TMEM117: variants seen among roughly 807,000 people sequenced by gnomAD.
TMEM117 encodes transmembrane protein 117.
In TMEM117, 27 loss-of-function variants were observed where a neutral mutation model predicts 52.4. The ratio of observed to expected loss-of-function variants is 0.51; its 90% confidence interval spans 0.38 to 0.71. The LOEUF is 0.71. Ranked by LOEUF, TMEM117 falls within the 30% of genes least tolerant of loss-of-function variation. TMEM117 has a pLI of 0.00. For synonymous variants in TMEM117, 215 were observed against 206.3 expected (o/e 1.04, Z -0.36); for missense variants, 556 against 630.5 (o/e 0.88, Z 1.26).
At chr12:43,879,022 A>G (rs1943850741) in intron 2 of TMEM117, among the ~76,000 whole-genome samples, 2 of 152,174 alleles carry the variant, frequency 1.3e-5, no homozygotes, top group Non-Finnish European at 2.9e-5. Context: ...ATGCTGATGA[A>G]TGAATAAGTT....
chr12:44,054,179 C>T lies in TMEM117; in HGVS notation c.411-89346C>T, dbSNP rs183023731. Reference sequence around the variant, plus strand: ...GGTATCAAAGTCATAAGAGCAATGGCGTATATTGAGAAGGATATTTTCCTA... The same window carrying T: ...GGTATCAAAGTCATAAGAGCAATGGTGTATATTGAGAAGGATATTTTCCTA... On this transcript the variant is annotated intron_variant, in intron 3 of 7. Coordinates refer to ENST00000266534, the MANE Select transcript of TMEM117 (RefSeq NM_032256.3). Among the ~76,000 whole-genome samples, 4 of 152,070 alleles carry T rather than the reference C, an allele frequency of 2.6e-5. No homozygotes were observed. In the East Asian group the frequency reaches 7.7e-4, roughly 29 times the overall value.
At chr12:44,125,353 C>G (rs569635130) in intron 3 of TMEM117, among the ~76,000 whole-genome samples, 1 of 152,030 alleles carries the variant, frequency 6.6e-6, no homozygotes, top group Non-Finnish European at 1.5e-5. Context: ...GTGATCTGCC[C>G]GCCTCGGCCT....
Position 44,002,315 on chromosome 12 carries a change from A to AT in TMEM117, c.410+57974dup, listed in dbSNP as rs1946128491. 5.9e-5 allele frequency among the ~76,000 whole-genome samples: 9 copies of AT among 152,312 alleles called. No homozygotes were observed. In the South Asian group the frequency reaches 1.9e-3, roughly 32 times the overall value. ...TTTATGGAAGCTGAGGGCCTCCCTA[A>AT]TGGAGGCCTTGGAGATGGGCAGATG... On this transcript the variant is annotated intron_variant, in intron 3 of 7. Transcript: ENST00000266534.
At chr12:44,312,991 T>C (rs1220171548) in intron 6 of TMEM117, among the ~76,000 whole-genome samples, 1 of 152,158 alleles carries the variant, frequency 6.6e-6, no homozygotes, top group Non-Finnish European at 1.5e-5. Flanking sequence ...TGTTTAAGTA[T>C]ATTACAGATT....
intron 4 of TMEM117, among the ~76,000 whole-genome samples, chr12:44,150,074 A>C (rs1469444005): frequency 6.6e-6 from 1 of 152,174 alleles, no homozygotes; most frequent in Admixed American, 6.6e-5. Context: ...CATTGGAACC[A>C]TTTTGACCTC....
At chr12:43,976,256 G>A (rs1945668455) in intron 3 of TMEM117, among the ~76,000 whole-genome samples, 1 of 152,114 alleles carries the variant, frequency 6.6e-6, no homozygotes, top group African/African-American at 2.4e-5. Context: ...GAAATTAATA[G>A]TACACTGCAG....
chr12:43,927,660 T>C lies in TMEM117; in HGVS notation c.278-16550T>C, dbSNP rs569879255. On this transcript the variant is annotated intron_variant, in intron 2 of 7. Coordinates refer to ENST00000266534, the MANE Select transcript of TMEM117 (RefSeq NM_032256.3). ...GAATTTATTATTTGTTATTATGTAA[T>C]GATTCTCTTTATTCCTAACATTGTT... Among the ~76,000 whole-genome samples the C allele has an allele frequency of 1.0e-3, 157 of 152,122 alleles. 1 individual carries two copies. The highest frequency in any genetic ancestry group is 1.7e-3 in the Non-Finnish European group (116 of 67,896).
chr12:44,195,486 A>T (rs550103903), intron 4 of TMEM117, among the ~76,000 whole-genome samples: 3 of 152,310 alleles, frequency 2.0e-5, no homozygotes, highest in African/African-American at 7.2e-5. Context: ...AGAGGATTAC[A>T]CAAGAGCAAG....
intron 3 of TMEM117, among the ~76,000 whole-genome samples, chr12:43,979,614 C>T (rs1013370568): frequency 1.3e-5 from 2 of 152,080 alleles, no homozygotes; most frequent in African/African-American, 4.8e-5. Flanking sequence ...TGAGGAATCG[C>T]TGTGGGGGAA....
intron 4 of TMEM117, among the ~76,000 whole-genome samples, chr12:44,144,096 T>TGGAAC (rs1948608953): frequency 1.3e-5 from 2 of 152,226 alleles, no homozygotes; most frequent in African/African-American, 4.8e-5. Flanking sequence ...TTTTCTACAT[T>TGGAAC]TATTTTCCTC....
intron 3 of TMEM117, among the ~76,000 whole-genome samples, chr12:44,139,587 C>G (rs1158802327): frequency 6.6e-6 from 1 of 151,744 alleles, no homozygotes; most frequent in African/African-American, 2.4e-5. Context: ...TCTTAAAAGC[C>G]TATATCAATG....
intron 6 of TMEM117, among the ~76,000 whole-genome samples, chr12:44,313,702 T>C (rs1465783462): frequency 6.6e-6 from 1 of 152,260 alleles, no homozygotes; most frequent in African/African-American, 2.4e-5. Context: ...TTGAGCAGTA[T>C]GGACGTTTTA....
At chr12:44,045,362 A>G (rs919520764) in intron 3 of TMEM117, among the ~76,000 whole-genome samples, 4 of 152,166 alleles carry the variant, frequency 2.6e-5, no homozygotes, top group Non-Finnish European at 4.4e-5. Flanking sequence ...GGTTGACTAT[A>G]TTGGACCTCT....
At chr12:43,923,433 G>A (rs1944727412) in intron 2 of TMEM117, among the ~76,000 whole-genome samples, 1 of 152,174 alleles carries the variant, frequency 6.6e-6, no homozygotes, top group Non-Finnish European at 1.5e-5. Flanking sequence ...TCACAAATGT[G>A]ACAATACTCC....
At chr12:43,877,890 AAC>A (rs369405497) in intron 2 of TMEM117, among the ~76,000 whole-genome samples, 13,939 of 142,840 alleles carry the variant, frequency 0.098, 667 homozygotes, top group East Asian at 0.16. Flanking sequence ...GTAAAAACAA[AAC>A]ACACACACAC....
intron 6 of TMEM117, among the ~76,000 whole-genome samples, chr12:44,335,550 C>T (rs1047007331): frequency 2.6e-5 from 4 of 151,676 alleles, no homozygotes; most frequent in African/African-American, 9.7e-5. Flanking sequence ...AATGGCAGAG[C>T]CAGAATTATC....
At chr12:44,322,655 G>A (rs1951146935) in intron 6 of TMEM117, among the ~76,000 whole-genome samples, 1 of 152,054 alleles carries the variant, frequency 6.6e-6, no homozygotes, top group South Asian at 2.1e-4. Context: ...AAAGGAACTT[G>A]CAAATCTAAT....
At chr12:43,831,153 GT>G (rs1024728190), upstream of TMEM117, among the ~76,000 whole-genome samples, 3 of 152,310 alleles carry the variant, frequency 2.0e-5, no homozygotes, top group African/African-American at 7.2e-5. Context: ...ATTTGTCTGT[GT>G]TTGGTTGGCA....
chr12:44,268,612 G>A (rs755281650), intron 5 of TMEM117, among the ~76,000 whole-genome samples: 1 of 151,896 alleles, frequency 6.6e-6, no homozygotes, highest in Non-Finnish European at 1.5e-5. Flanking sequence ...AAATATATTT[G>A]TTACATATAT....
Sources: gnomAD v4.1 joint callset for allele counts (sites outside exome capture counted in the v4.1 genomes callset) on GRCh38, gnomAD v4.1.1 for gene constraint, MANE v1.5 for transcripts, NCBI Gene and HGNC (gene_info 2026-07-23, HGNC 2026-07-21) for gene names.